STK39: variants seen among roughly 807,000 people sequenced by gnomAD.
STK39 encodes the protein STE20/SPS1-related proline-alanine-rich protein kinase.
In STK39, 20 loss-of-function variants were observed where a neutral mutation model predicts 77.8. The observed-to-expected ratio is 0.26, with a 90% CI of 0.18 to 0.37. The LOEUF is 0.37. Among genes scored for constraint, STK39 ranks in the 10% least tolerant of loss-of-function variants. The probability of loss-of-function intolerance (pLI) is 1.00; values close to 1 mark genes in which losing one functional copy is unlikely to be tolerated. For missense variants in STK39, 479 were observed against 656.5 expected (o/e 0.73, Z 2.95); for synonymous variants, 246 against 234.1 (o/e 1.05, Z -0.47).
At chr2:168,101,138 A>G (rs1008886265) in intron 10 of STK39, among the ~76,000 whole-genome samples, 2 of 152,176 alleles carry the variant, frequency 1.3e-5, no homozygotes, top group African/African-American at 4.8e-5. Flanking sequence ...GTTCTCACTC[A>G]TAAGTGGGAG....
intron 7 of STK39, among the ~76,000 whole-genome samples, chr2:168,139,423 T>TATATATATATATATAA (rs1488388592): frequency 1.3e-5 from 2 of 150,342 alleles, no homozygotes; most frequent in East Asian, 3.9e-4. Context: ...TATATATATA[T>TATATATATATATATAA]AAAAACAATA....
Position 168,013,423 on chromosome 2 carries a change from T to C in STK39, c.1430-721A>G, listed in dbSNP as rs1684321098. 2.0e-5 allele frequency among the ~76,000 whole-genome samples: 3 copies of C among 152,342 alleles called. No individual in the cohort carries two copies. The South Asian group carries it at 6.2e-4, about 32-fold the overall frequency. On this transcript the variant is annotated intron_variant, in intron 15 of 17. Transcript: ENST00000355999. ...AACATGATCACACTAATCTTCTATC[T>C]GAAGGCTTTGTAAAGGGAAATTGAT...
intron 14 of STK39, among the ~76,000 whole-genome samples, chr2:168,037,278 T>A (rs1180962888): frequency 6.6e-6 from 1 of 152,206 alleles, no homozygotes; most frequent in East Asian, 1.9e-4. Flanking sequence ...TAGCAAAGAT[T>A]ACAAAATGAT....
chr2:168,200,667 A>G lies in STK39; in HGVS notation c.209-18577T>C, dbSNP rs950143727. On this transcript the variant is annotated intron_variant, in intron 1 of 17. Transcript: ENST00000355999. ...ACTCCAGCCCGGAAAACAGAGCAAGACTCTGTCTCAAAACATAAAAATAAA... is the reference window on the plus strand; with the variant it reads ...ACTCCAGCCCGGAAAACAGAGCAAGGCTCTGTCTCAAAACATAAAAATAAA... Among the ~76,000 whole-genome samples, 3 of 145,188 alleles carry G rather than the reference A, an allele frequency of 2.1e-5. No homozygotes were observed. In the East Asian group the frequency reaches 6.1e-4, roughly 30 times the overall value.
intron 1 of STK39, among the ~76,000 whole-genome samples, chr2:168,229,293 G>C (rs1455216698): frequency 6.6e-6 from 1 of 151,590 alleles, no homozygotes; most frequent in African/African-American, 2.4e-5. Flanking sequence ...GCTGAGGCAG[G>C]AGAACTGCTT....
At chr2:168,006,205 A>G (rs1253502969) in intron 16 of STK39, among the ~76,000 whole-genome samples, 1 of 152,258 alleles carries the variant, frequency 6.6e-6, no homozygotes, top group African/African-American at 2.4e-5. Context: ...GTATACACAC[A>G]GTCAAACCCT....
At chr2:168,141,535 G>T (rs901973696) in intron 5 of STK39, among the ~76,000 whole-genome samples, 2 of 152,174 alleles carry the variant, frequency 1.3e-5, no homozygotes, top group Non-Finnish European at 2.9e-5. Context: ...GGGAATGCCT[G>T]GCAATTATTA....
chr2:168,194,647 T>C (rs16855101), intron 1 of STK39, among the ~76,000 whole-genome samples: 23,962 of 152,118 alleles, frequency 0.16, 2,238 homozygotes, highest in African/African-American at 0.25. Context: ...AGTTGGACTT[T>C]ATTTATCTGG....
chr2:168,241,431 C>T (rs1690754887), intron 1 of STK39, among the ~76,000 whole-genome samples: 1 of 152,212 alleles, frequency 6.6e-6, no homozygotes, highest in African/African-American at 2.4e-5. Context: ...GCAACCTTCC[C>T]GCAGGATGCT....
In STK39 at chr2:168,139,405, A is replaced by ATTTATAT. The variant is rs57900746; in HGVS notation, c.840+883_840+884insATATAAA. Reference sequence around the variant, plus strand: ...CTAAAATCCTAACTATGTTAAAAAAAATTTATATATATATATATAAAAACA... The same window carrying ATTTATAT: ...CTAAAATCCTAACTATGTTAAAAAAATTTATATATTTATATATATATATATAAAAACA... On this transcript the variant is annotated intron_variant, in intron 7 of 17. Coordinates refer to ENST00000355999, the MANE Select transcript of STK39 (RefSeq NM_013233.3). Among the ~76,000 whole-genome samples the ATTTATAT allele has an allele frequency of 9.2e-3, 1,284 of 139,444 alleles. 18 individuals carry two copies. The highest frequency in any genetic ancestry group is 0.035 in the African/African-American group (1,211 of 34,610). 91.5% of individuals were successfully genotyped at this position (139,444 alleles called of 152,430 possible). A position where few individuals can be genotyped will look rare whatever the true frequency, so the allele number is the denominator to read the frequency against.
intron 10 of STK39, among the ~76,000 whole-genome samples, chr2:168,080,176 G>C (rs1305055224): frequency 6.6e-6 from 1 of 152,202 alleles, no homozygotes; most frequent in Non-Finnish European, 1.5e-5. Context: ...CAGATTGGTA[G>C]AACTTTGAAC....
At chr2:167,990,076 C>T (rs1054883087) in intron 16 of STK39, among the ~76,000 whole-genome samples, 13 of 151,930 alleles carry the variant, frequency 8.6e-5, no homozygotes, top group Non-Finnish European at 1.5e-5. Flanking sequence ...AACTTCCTGA[C>T]TCAACAGATA....
At chr2:168,135,990 T>TC (rs1361714253) in intron 8 of STK39, among the ~76,000 whole-genome samples, 10 of 147,554 alleles carry the variant, frequency 6.8e-5, no homozygotes, top group Middle Eastern at 3.4e-3. Context: ...CTAAAGGATT[T>TC]TTTTTTTTTT....
chr2:168,240,744 G>A (rs1426421482), intron 1 of STK39, among the ~76,000 whole-genome samples: 4 of 152,234 alleles, frequency 2.6e-5, no homozygotes, highest in African/African-American at 9.6e-5. Context: ...CCAAACACTG[G>A]TATACAGTCA....
chr2:168,108,652 C>G (rs964136448), intron 10 of STK39, among the ~76,000 whole-genome samples: 3 of 152,160 alleles, frequency 2.0e-5, no homozygotes, highest in Non-Finnish European at 2.9e-5. Context: ...GTCATTCCCC[C>G]CTTCAGCAGG....
intron 1 of STK39, among the ~76,000 whole-genome samples, chr2:168,195,468 T>C (rs986125611): frequency 6.6e-6 from 1 of 152,196 alleles, no homozygotes; most frequent in Non-Finnish European, 1.5e-5. Flanking sequence ...ATAATTCTCC[T>C]GCACATAATT....
chr2:168,247,061 T>TTAAAAAA (rs1213358903), intron 1 of STK39, among the ~76,000 whole-genome samples, 167 bp downstream of exon 1: 5 of 89,300 alleles, frequency 5.6e-5, no homozygotes, highest in Admixed American at 1.0e-4. Flanking sequence ...CATTAAAAAT[T>TTAAAAAA]AAAAAAAAAA....
chr2:167,967,699 A>G lies in STK39; in HGVS notation c.1499-2973T>C, dbSNP rs1574351944. 2.0e-5 allele frequency among the ~76,000 whole-genome samples: 3 copies of G among 152,338 alleles called. No individual in the cohort carries two copies. The East Asian group carries it at 5.8e-4, about 29-fold the overall frequency. ...TAATCCACTGGAGGCAAGGCAGCGG[A>G]GCCGACACTTTTTTGGCAAACTAAG... On this transcript the variant is annotated intron_variant, in intron 16 of 17. Transcript: ENST00000355999.
intron 14 of STK39, among the ~76,000 whole-genome samples, chr2:168,037,820 C>G (rs1684996749): frequency 6.6e-6 from 1 of 152,080 alleles, no homozygotes; most frequent in South Asian, 2.1e-4. Flanking sequence ...TCATTTTCTT[C>G]TTTATAACTT....
Sources: allele counts gnomAD v4.1 joint callset (sites outside exome capture counted in the v4.1 genomes callset), GRCh38; gene constraint gnomAD v4.1.1; transcripts MANE v1.5; gene names NCBI Gene and HGNC (gene_info 2026-07-23, HGNC 2026-07-21).